Variants in PRELID2 observed in about 807,000 individuals in gnomAD.
The protein encoded by PRELID2 is PRELI domain-containing protein 2.
A neutral mutation model predicts 28.4 loss-of-function variants in PRELID2; 25 were observed. That is an observed-to-expected ratio of 0.88 (90% CI 0.64 to 1.23). The LOEUF (loss-of-function observed/expected upper bound fraction) is 1.23. PRELID2 is among the 50% of genes most tolerant of loss of function. The probability of loss-of-function intolerance (pLI) is 0.00; values close to 1 mark genes in which losing one functional copy is unlikely to be tolerated. For missense variants in PRELID2, 201 were observed against 214.4 expected (o/e 0.94, Z 0.39); for synonymous variants, 76 against 71.6 (o/e 1.06, Z -0.31).
the PRELID2 span, among the ~76,000 whole-genome samples, chr5:145,336,016 A>T: frequency 6.6e-6 from 1 of 152,318 alleles, no homozygotes; most frequent in Non-Finnish European, 1.5e-5. Context: ...CATTTCTCTG[A>T]TGGCCAGTGA....
intron 1 of PRELID2, among the ~76,000 whole-genome samples, chr5:145,554,364 A>C (rs1479308449): frequency 5.9e-5 from 9 of 152,056 alleles, no homozygotes; most frequent in Admixed American, 5.9e-4. Flanking sequence ...AACCTTTAGA[A>C]ATTAAGGGTT....
At chr5:145,676,866 ACT>A (rs1754828482) in intron 1 of PRELID2, among the ~76,000 whole-genome samples, 1 of 152,102 alleles carries the variant, frequency 6.6e-6, no homozygotes, top group African/African-American at 2.4e-5. Flanking sequence ...ACTACAAGAA[ACT>A]CTACTGACAA....
At chr5:145,343,161 G>C in the PRELID2 span, among the ~76,000 whole-genome samples, 1 of 151,814 alleles carries the variant, frequency 6.6e-6, no homozygotes, top group African/African-American at 2.4e-5. Flanking sequence ...ACTTAATTTA[G>C]ACCAAATGAG....
the PRELID2 span, among the ~76,000 whole-genome samples, chr5:145,324,837 A>C: frequency 6.6e-6 from 1 of 152,208 alleles, no homozygotes; most frequent in Non-Finnish European, 1.5e-5. Flanking sequence ...TAAAAGAAGG[A>C]GCTAAGATTA....
At chr5:145,601,831 G>A (rs1304685452) in intron 1 of PRELID2, among the ~76,000 whole-genome samples, 3 of 152,176 alleles carry the variant, frequency 2.0e-5, no homozygotes, top group African/African-American at 7.2e-5. Flanking sequence ...TTAGGGTAGT[G>A]AGGAAGTTAG....
At chr5:145,455,287 G>C in the PRELID2 span, among the ~76,000 whole-genome samples, 2 of 151,992 alleles carry the variant, frequency 1.3e-5, no homozygotes, top group African/African-American at 2.4e-5. Context: ...TATTTCTGAG[G>C]CCTCTGTTCT....
At chr5:145,684,308 G>A (rs1754994481) in intron 1 of PRELID2, among the ~76,000 whole-genome samples, 1 of 152,160 alleles carries the variant, frequency 6.6e-6, no homozygotes. Context: ...TACGCAATCA[G>A]AATAAACTCT....
chr5:145,357,698 T>C, the PRELID2 span, among the ~76,000 whole-genome samples: 3 of 152,180 alleles, frequency 2.0e-5, no homozygotes, highest in East Asian at 1.9e-4. Flanking sequence ...TTCTCCTGAA[T>C]GTCGATGATC....
chr5:145,377,707 T>C, the PRELID2 span, among the ~76,000 whole-genome samples: 1 of 152,176 alleles, frequency 6.6e-6, no homozygotes, highest in East Asian at 1.9e-4. Flanking sequence ...TGGTAAATTT[T>C]TCTCCATCCC....
chr5:145,317,640 T>C, the PRELID2 span, among the ~76,000 whole-genome samples: 10 of 152,206 alleles, frequency 6.6e-5, no homozygotes, highest in Admixed American at 5.9e-4. Flanking sequence ...AGAGTATTTC[T>C]CTCCTCTCTG....
At chr5:145,315,809 G>C in the PRELID2 span, among the ~76,000 whole-genome samples, 1 of 152,180 alleles carries the variant, frequency 6.6e-6, no homozygotes, top group South Asian at 2.1e-4. Flanking sequence ...GGAGGTAACA[G>C]GTATGTTAAT....
chr5:145,527,762 GT>G (rs1176711031), intron 1 of PRELID2, among the ~76,000 whole-genome samples: 6 of 152,122 alleles, frequency 3.9e-5, no homozygotes, highest in African/African-American at 1.4e-4. Flanking sequence ...CTGATTCCTA[GT>G]GAGTAAAATG....
rs1754646441 is a variant in PRELID2 at position 145,819,965 on chromosome 5, C to G, written c.187G>C (p.Val63Leu). ...CTTACCTTCCTTAAAATTTCTGGAA[C>G]CACGTTCTGACAGATTGCAATCCTC... ...RKRIAICQNVVPEILRKVSIL... is the reference protein window; with the variant it reads ...RKRIAICQNVLPEILRKVSIL... Residue 63 changes from valine (V) to leucine (L), a missense_variant, in exon 3 of 7, where the codon GTT becomes CTT. By Grantham distance (32) the Val-to-Leu change is conservative. Transcript: ENST00000683046. 1.2e-6 allele frequency: 2 copies of G among 1,606,646 alleles called. No individual in the cohort carries two copies. The highest frequency in any genetic ancestry group is 1.7e-6 in the Non-Finnish European group (2 of 1,175,440).
At chr5:145,490,127 A>G (rs920723016) in intron 1 of PRELID2, among the ~76,000 whole-genome samples, 10 of 152,234 alleles carry the variant, frequency 6.6e-5, no homozygotes, top group African/African-American at 2.2e-4. Context: ...TATAGAAGAC[A>G]TAGAAATTTT....
At chr5:145,378,422 A>G in the PRELID2 span, among the ~76,000 whole-genome samples, 1 of 152,192 alleles carries the variant, frequency 6.6e-6, no homozygotes, top group Non-Finnish European at 1.5e-5. Flanking sequence ...CAGACACACC[A>G]GTGAATCATA....
At chr5:145,740,492 A>C (rs1387198002) in intron 1 of PRELID2, among the ~76,000 whole-genome samples, 1 of 138,606 alleles carries the variant, frequency 7.2e-6, no homozygotes, top group Non-Finnish European at 1.5e-5. Flanking sequence ...GAAGAATGCA[A>C]TAACACTATT....
chr5:145,358,642 C>A, the PRELID2 span, among the ~76,000 whole-genome samples: 1 of 152,096 alleles, frequency 6.6e-6, no homozygotes, highest in Non-Finnish European at 1.5e-5. Context: ...AAGGTCATCT[C>A]TTTAATGTAA....
At chr5:145,253,543 A>T in the PRELID2 span, among the ~76,000 whole-genome samples, 1 of 152,048 alleles carries the variant, frequency 6.6e-6, no homozygotes, top group Non-Finnish European at 1.5e-5. Context: ...CCCATATGGA[A>T]ATACAAAACT....
chr5:145,633,696 T>C (rs538694456), intron 1 of PRELID2, among the ~76,000 whole-genome samples: 1 of 152,268 alleles, frequency 6.6e-6, no homozygotes, highest in South Asian at 2.1e-4. Context: ...GTGCACTCAA[T>C]TGCTGTCAAA....
Sources: gnomAD v4.1 joint callset for allele counts (sites outside exome capture counted in the v4.1 genomes callset) on GRCh38, gnomAD v4.1.1 for gene constraint, MANE v1.5 for transcripts, NCBI Gene and HGNC (gene_info 2026-07-23, HGNC 2026-07-21) for gene names.